The following ZC3H7B variants were observed in gnomAD, a reference collection of about 807,000 sequenced individuals.
ZC3H7B encodes zinc finger CCCH-type containing 7B, also known as zinc finger CCCH domain-containing protein 7B.
A neutral mutation model predicts 116.0 loss-of-function variants in ZC3H7B; 35 were observed. The observed-to-expected ratio is 0.30, with a 90% confidence interval of 0.23 to 0.40. ZC3H7B has a LOEUF of 0.40. Among genes scored for constraint, ZC3H7B ranks in the 10% least tolerant of loss-of-function variants. ZC3H7B has a pLI of 1.00. For missense variants in ZC3H7B, 1,011 were observed against 1,321.5 expected (o/e 0.77, Z 3.64); for synonymous variants, 502 against 545.6 (o/e 0.92, Z 1.11).
chr22:41,313,321 G>A (rs768834842), intron 1 of ZC3H7B, among the ~76,000 whole-genome samples: 2 of 151,978 alleles, frequency 1.3e-5, no homozygotes, highest in Non-Finnish European at 2.9e-5. Flanking sequence ...GGGTTTCACC[G>A]TGACGAGGTC....
At position 41,342,643 on chromosome 22, in the gene ZC3H7B, G is replaced by A. The variant is rs1291367168; in HGVS notation, c.1297+15G>A. 1.9e-6 allele frequency: 3 copies of A among 1,604,768 alleles called. No homozygotes were observed. Among genetic ancestry groups the A allele is most frequent in the Admixed American group, 3.3e-5 (2 of 59,764 alleles). Reference sequence around the variant, plus strand: ...CCCCAAGACAGGTAAACTTTCACCTGTAGACTCCACCCCTCTGCCCAGAGA... The same window carrying A: ...CCCCAAGACAGGTAAACTTTCACCTATAGACTCCACCCCTCTGCCCAGAGA... On this transcript the variant is annotated intron_variant, in intron 12 of 22. Transcript: ENST00000352645.
chr22:41,354,992 G>T (rs868471695), intron 17 of ZC3H7B, among the ~76,000 whole-genome samples: 1 of 152,192 alleles, frequency 6.6e-6, no homozygotes, highest in South Asian at 2.1e-4. Context: ...GGGTGAGTCG[G>T]TCAACAGGAG....
chr22:41,354,914 C>T (rs1337446723), intron 17 of ZC3H7B, among the ~76,000 whole-genome samples: 1 of 152,196 alleles, frequency 6.6e-6, no homozygotes, highest in Non-Finnish European at 1.5e-5. Context: ...GCCACCACCA[C>T]CCTACCCCTG....
In ZC3H7B at chr22:41,310,538, G is replaced by A. The variant is rs557077892; in HGVS notation, c.-7+8766G>A. 6.6e-5 allele frequency among the ~76,000 whole-genome samples: 10 copies of A among 152,260 alleles called. No homozygotes were observed. In the East Asian group the frequency reaches 1.7e-3, roughly 26 times the overall value. On this transcript the variant is annotated intron_variant, in intron 1 of 22. Transcript: ENST00000352645. ...GGAAACTCTCTTGATGCCCAATGATGCACCACAAGGATTTCCAAGCTCCCT... is the reference window on the plus strand; with the variant it reads ...GGAAACTCTCTTGATGCCCAATGATACACCACAAGGATTTCCAAGCTCCCT...
At position 41,302,391 on chromosome 22, in the gene ZC3H7B, G is replaced by A. The variant is rs2035979698; in HGVS notation, c.-7+619G>A. ...GAAGGGGGCGGCAGGAAAGGGGGGC[G>A]CGGTCTGGGCCTGCTGGGCAGGGGG... On this transcript the variant is annotated intron_variant, in intron 1 of 22. Coordinates refer to ENST00000352645, the MANE Select transcript of ZC3H7B (RefSeq NM_017590.6). This position sits in a 1 kb window ranked among gnomAD's most constrained non-coding sequence, Gnocchi z 5.7. 6.6e-6 allele frequency among the ~76,000 whole-genome samples: 1 copy of A among 152,062 alleles called. No homozygotes were observed. Among genetic ancestry groups the A allele is most frequent in the Non-Finnish European group, 1.5e-5 (1 of 67,980 alleles).
At chr22:41,339,532 C>T (rs193043127) in intron 9 of ZC3H7B, among the ~76,000 whole-genome samples, 1,890 of 151,334 alleles carry the variant, frequency 0.012, 74 homozygotes, top group Admixed American at 0.081. Flanking sequence ...AGGCTGAGGC[C>T]GGAGAATCGC....
At chr22:41,344,114 G>C (rs2036556925) in intron 13 of ZC3H7B, among the ~76,000 whole-genome samples, 1 of 152,194 alleles carries the variant, frequency 6.6e-6, no homozygotes, top group Non-Finnish European at 1.5e-5. Flanking sequence ...CCTTGGTCCC[G>C]CTGTACGGCG....
chr22:41,335,795 G>GCT (rs1404658145), intron 7 of ZC3H7B: 1 of 152,528 alleles, frequency 6.6e-6, no homozygotes. Flanking sequence ...GTCAGGACAG[G>GCT]CTCTTGGGTC....
intron 1 of ZC3H7B, among the ~76,000 whole-genome samples, chr22:41,305,036 A>C (rs2036021390): frequency 6.6e-6 from 1 of 152,074 alleles, no homozygotes; most frequent in African/African-American, 2.4e-5. Flanking sequence ...ACATGGTGAA[A>C]CCCAGTCTCC....
intron 12 of ZC3H7B, 110 bp from the exon 13 acceptor site, chr22:41,343,305 G>T: frequency 7.2e-7 from 1 of 1,383,308 alleles, no homozygotes; most frequent in Non-Finnish European, 9.8e-7. Flanking sequence ...CCTCAGAGGG[G>T]AGGTAGGTAT....
intron 17 of ZC3H7B, among the ~76,000 whole-genome samples, chr22:41,352,770 A>G (rs2036669044): frequency 6.6e-6 from 1 of 151,660 alleles, no homozygotes. Context: ...TCAAAAAATA[A>G]ATAAATAAAT....
Position 41,345,993 on chromosome 22 carries a change from C to T in ZC3H7B, c.1460-10C>T, listed in dbSNP as rs2036580238. The T allele has an allele frequency of 1.2e-6, 2 of 1,613,878 alleles. No individual in the cohort carries two copies. Among genetic ancestry groups the T allele is most frequent in the South Asian group, 2.2e-5 (2 of 91,088 alleles). ...CCTGGCGGAACGTGTGTCCTGTTGCCTCTTTGCAGACATGATTAACAAGCA... is the reference window on the plus strand; with the variant it reads ...CCTGGCGGAACGTGTGTCCTGTTGCTTCTTTGCAGACATGATTAACAAGCA... On this transcript the variant is annotated splice_polypyrimidine_tract_variant and intron_variant, in intron 13 of 22. Transcript: ENST00000352645.
intron 17 of ZC3H7B, among the ~76,000 whole-genome samples, chr22:41,352,162 G>C (rs1347976917): frequency 1.3e-5 from 2 of 152,176 alleles, no homozygotes; most frequent in Non-Finnish European, 2.9e-5. Context: ...TGAAGAAACG[G>C]TTCTTTAGTC....
At chr22:41,341,609 G>C (rs1020702122) in intron 11 of ZC3H7B, among the ~76,000 whole-genome samples, 1 of 151,900 alleles carries the variant, frequency 6.6e-6, no homozygotes, top group Admixed American at 6.6e-5. Context: ...CGGGTGTGGT[G>C]GTGGGCACCT....
intron 7 of ZC3H7B, among the ~76,000 whole-genome samples, chr22:41,337,686 AC>A (rs1225875566): frequency 6.6e-6 from 1 of 152,092 alleles, no homozygotes; most frequent in Non-Finnish European, 1.5e-5. Flanking sequence ...TGCCACCTTC[AC>A]CGGGGTGAGG....
intron 1 of ZC3H7B, among the ~76,000 whole-genome samples, chr22:41,318,528 C>CA (rs61267547): frequency 0.44 from 40,739 of 92,298 alleles, 9,962 homozygotes; most frequent in Middle Eastern, 0.52. Context: ...GACTCCGCCT[C>CA]AAAAAAAAAA....
intron 7 of ZC3H7B, chr22:41,332,449 G>A (rs1261413919): frequency 6.9e-6 from 4 of 577,016 alleles, no homozygotes; most frequent in Non-Finnish European, 1.2e-5. Flanking sequence ...CCTCACTCTT[G>A]AACCCTGGCC....
chr22:41,311,788 G>A lies in ZC3H7B; in HGVS notation c.-6-8867G>A, dbSNP rs867687409. Among the ~76,000 whole-genome samples the A allele has an allele frequency of 2.6e-5, 4 of 152,040 alleles. No individual in the cohort carries two copies. The South Asian group carries it at 8.3e-4, about 32-fold the overall frequency. On this transcript the variant is annotated intron_variant, in intron 1 of 22. Coordinates refer to ENST00000352645, the MANE Select transcript of ZC3H7B (RefSeq NM_017590.6). ...CACTGTCCCTTAAATGGAAGCTCGG[G>A]GATGTTGGTCTTGAGACCTGGGCAG...
rs767919918 is a variant in ZC3H7B, at chr22:41,338,300, C to T, written c.583-13C>T. 10 of 1,611,788 alleles carry T rather than the reference C, an allele frequency of 6.2e-6. No homozygotes were observed. In the East Asian group the frequency reaches 6.7e-5, roughly 11 times the overall value. ...TTCCCAGCCACAGCGCCACTGTGGC[C>T]CTCTCCCCACAGGGAACTTCTAATG... On this transcript the variant is annotated splice_polypyrimidine_tract_variant and intron_variant, in intron 7 of 22. Coordinates refer to ENST00000352645, the MANE Select transcript of ZC3H7B (RefSeq NM_017590.6). The surrounding 1 kb of genome is among the most constrained non-coding windows in gnomAD (Gnocchi z 4.5).
Sources: allele counts gnomAD v4.1 joint callset (sites outside exome capture counted in the v4.1 genomes callset), GRCh38; gene constraint gnomAD v4.1.1; non-coding constraint Gnocchi (gnomAD v3.1); transcripts MANE v1.5; gene names NCBI Gene and HGNC (gene_info 2026-07-23, HGNC 2026-07-21).